The following USP42 variants were observed in gnomAD, a reference collection of about 807,000 sequenced individuals.
USP42 encodes the protein ubiquitin specific peptidase 42.
In USP42, 23 loss-of-function variants were observed where a neutral mutation model predicts 113.0. The observed-to-expected ratio is 0.20, with a 90% CI of 0.15 to 0.29. USP42 has a LOEUF of 0.29. USP42 is among the 10% of genes least tolerant of loss of function. The pLI is 1.00. For missense variants in USP42, 2,174 were observed against 1,779.8 expected (o/e 1.22, Z -3.99); for synonymous variants, 933 against 699.0 (o/e 1.33, Z -5.28).
intron 3 of USP42, among the ~76,000 whole-genome samples, chr7:6,123,832 CAAAAA>C (rs34032326): frequency 4.1e-5 from 3 of 72,766 alleles, no homozygotes; most frequent in South Asian, 4.8e-4. Context: ...GACCCTGTCT[CAAAAA>C]AAAAAAAAAA....
chr7:6,092,082 C>T, the USP42 span, among the ~76,000 whole-genome samples: 131 of 59,296 alleles, frequency 2.2e-3, no homozygotes, highest in African/African-American at 4.5e-3. Context: ...CTTCCTCTTC[C>T]TCTTCTTCTT....
chr7:6,154,917 G>A lies in USP42; in HGVS notation c.3363G>A (p.Ala1121=), dbSNP rs1443122433. 2.5e-5 allele frequency: 39 copies of A among 1,548,654 alleles called. No individual in the cohort carries two copies. The South Asian group carries it at 2.6e-4, about 10-fold the overall frequency. Residue 1121 remains alanine, a synonymous_variant, in exon 15 of 18, where the codon GCG becomes GCA. Coordinates refer to ENST00000306177, the MANE Select transcript of USP42 (RefSeq NM_032172.3). The part of the protein sequence containing the change: ...RHRPSSPRAG[A]PHALAPHPDR... ...GCCCCAGCAGCCCCCGCGCAGGCGC[G>A]CCCCACGCCCTCGCCCCGCACCCCG...
upstream of USP42, among the ~76,000 whole-genome samples, chr7:6,104,289 G>A (rs886724003): frequency 3.4e-5 from 5 of 147,686 alleles, 1 homozygote; most frequent in African/African-American, 8.1e-5. Flanking sequence ...TCACCATGCT[G>A]GCCAGGCTAG....
intron 3 of USP42, among the ~76,000 whole-genome samples, chr7:6,120,307 A>G (rs1030454502): frequency 1.3e-5 from 2 of 151,696 alleles, no homozygotes; most frequent in Non-Finnish European, 2.9e-5. Flanking sequence ...CAGTGCCACT[A>G]TCTCCACTCA....
the USP42 span, among the ~76,000 whole-genome samples, chr7:6,087,013 C>A: frequency 4.7e-5 from 7 of 149,242 alleles, no homozygotes; most frequent in Admixed American, 2.0e-4. Flanking sequence ...CAGATGTGAG[C>A]CACCGCCTCC....
chr7:6,154,760 A>G lies in USP42; in HGVS notation c.3206A>G (p.Tyr1069Cys). 6.4e-7 allele frequency: 1 copy of G among 1,559,464 alleles called. No individual in the cohort carries two copies. Among genetic ancestry groups the G allele is most frequent in the South Asian group, 1.2e-5 (1 of 84,562 alleles). Residue 1069 changes from tyrosine to cysteine, a missense_variant, in exon 15 of 18, where the codon TAC (tyrosine) becomes TGC (cysteine). Transcript: ENST00000306177. ...CRYYHDRYAL[Y>C]AARDWKPFHG... The stretch of plus-strand genomic sequence containing the variant: ...TACTACCATGACAGGTACGCCCTGT[A>G]CGCTGCCCGGGACTGGAAGCCCTTC...
chr7:6,090,865 G>A, the USP42 span, among the ~76,000 whole-genome samples: 1 of 147,076 alleles, frequency 6.8e-6, no homozygotes, highest in South Asian at 2.1e-4. Context: ...ACTTCTATTA[G>A]TAATCCTCTT....
rs760525737 is a variant in USP42, at chr7:6,154,743, T to C, written c.3189T>C (p.His1063=). The change falls in exon 15 of 18, where the codon CAT becomes CAC. Residue 1063 remains histidine, a synonymous_variant. Transcript: ENST00000306177. ...RPRWDRCRYY[H]DRYALYAARD... is the part of the protein sequence containing the mutation. ...GCTGGGACAGGTGCCGGTACTACCA[T>C]GACAGGTACGCCCTGTACGCTGCCC... The C allele has an allele frequency of 1.3e-6, 2 of 1,574,392 alleles. No homozygotes were observed. Among genetic ancestry groups the C allele is most frequent in the Admixed American group, 1.8e-5 (1 of 54,220 alleles).
rs1782752853 is a variant in USP42 at position 6,161,133 on chromosome 7, TATG to T, written c.*620_*622del. The T allele has an allele frequency of 1.3e-5, 2 of 152,654 alleles. No homozygotes were observed. Among genetic ancestry groups the T allele is most frequent in the African/African-American group, 4.8e-5 (2 of 41,456 alleles). The allele number at this position is 152,654 out of a possible 1,614,324, so 9.5% of individuals were successfully genotyped here. On this transcript the variant is annotated 3_prime_UTR_variant, in exon 18 of 18. Coordinates refer to ENST00000306177, the MANE Select transcript of USP42 (RefSeq NM_032172.3). ...TGTTCCAATCAATCAATTTCCCAGT[TATG>T]ATGAGTATTTACATTATGAATGTAT...
chr7:6,146,709 A>G (rs1444941947), intron 11 of USP42, among the ~76,000 whole-genome samples: 3 of 152,166 alleles, frequency 2.0e-5, no homozygotes, highest in African/African-American at 4.8e-5. Flanking sequence ...CTGGAGAGTA[A>G]GAAAGGTAGT....
At chr7:6,118,873 A>G (rs989693387) in intron 3 of USP42, among the ~76,000 whole-genome samples, 3 of 152,164 alleles carry the variant, frequency 2.0e-5, no homozygotes, top group African/African-American at 7.2e-5. Context: ...TGTACTGATC[A>G]CTTGTTTGTC....
chr7:6,125,175 T>C (rs1780458515), intron 3 of USP42, among the ~76,000 whole-genome samples: 1 of 119,914 alleles, frequency 8.3e-6, no homozygotes, highest in South Asian at 2.8e-4. Flanking sequence ...AGCGAGACTC[T>C]GTCTCAACAA....
rs953587036 is a variant in USP42 at position 6,105,798 on chromosome 7, G to C, written c.-10+766G>C. On this transcript the variant is annotated intron_variant, in intron 1 of 17. Coordinates refer to ENST00000306177, the MANE Select transcript of USP42 (RefSeq NM_032172.3). ...AGATGTTGGAAATGAAAATTGGACGGAACAAGTTTTCCCATCTAGGACTTT... is the reference window on the plus strand; with the variant it reads ...AGATGTTGGAAATGAAAATTGGACGCAACAAGTTTTCCCATCTAGGACTTT... Among the ~76,000 whole-genome samples the C allele has an allele frequency of 5.3e-5, 8 of 152,200 alleles. No homozygotes were observed. In the East Asian group the frequency reaches 1.5e-3, roughly 29 times the overall value.
rs1782646949 is a variant in USP42 at position 6,159,431 on chromosome 7, C to A, written c.3944-19C>A. 6.2e-7 allele frequency: 1 copy of A among 1,613,864 alleles called. No individual in the cohort carries two copies. The highest frequency in any genetic ancestry group is 1.1e-5 in the South Asian group (1 of 91,086). ...TTGCAACCATCATTAAAATCTCTTT[C>A]CTGACCTTTGCTTTCTAGGTGATTG... On this transcript the variant is annotated intron_variant, in intron 16 of 17. Coordinates refer to ENST00000306177, the MANE Select transcript of USP42 (RefSeq NM_032172.3). This position sits in a 1 kb window ranked among gnomAD's most constrained non-coding sequence, Gnocchi z 4.1.
At position 6,146,209 on chromosome 7, in the gene USP42, C is replaced by T. The variant is rs1781707506; in HGVS notation, c.1193C>T (p.Ser398Leu). Residue 398 changes from serine (S) to leucine (L), a missense_variant, in exon 11 of 18, where the codon TCG becomes TTG. Ser to Leu is a moderately radical substitution (Grantham distance 145, BLOSUM62 -2). Transcript: ENST00000306177. ...ATTGTATCTACCAGTGATATTAGAT[C>T]GGTACTCAGCCAACAAGCCTATGTG... ...DSIVSTSDIR[S>L]VLSQQAYVLF... The T allele has an allele frequency of 1.2e-6, 2 of 1,602,696 alleles. No homozygotes were observed. Among genetic ancestry groups the T allele is most frequent in the Admixed American group, 1.7e-5 (1 of 57,862 alleles).
intron 3 of USP42, chr7:6,117,023 C>G: frequency 2.7e-6 from 1 of 366,576 alleles, no homozygotes; most frequent in Non-Finnish European, 5.3e-6. Context: ...TCTCTCTTTT[C>G]CCAGCTTTAC....
Position 6,161,022 on chromosome 7 carries a change from C to A in USP42, c.*504C>A, listed in dbSNP as rs1356645054. On this transcript the variant is annotated 3_prime_UTR_variant, in exon 18 of 18. Coordinates refer to ENST00000306177, the MANE Select transcript of USP42 (RefSeq NM_032172.3). ...AGTCTGTTTTCTGTAATGTCTGATA[C>A]TAGAAACTAATTTGCTTATTTTAGT... 1.3e-5 allele frequency: 2 copies of A among 152,630 alleles called. No homozygotes were observed. Among genetic ancestry groups the A allele is most frequent in the African/African-American group, 4.8e-5 (2 of 41,454 alleles). 9.5% of individuals were successfully genotyped at this position (152,630 alleles called of 1,614,324 possible). A position where few individuals can be genotyped will look rare whatever the true frequency, so the allele number is the denominator to read the frequency against.
At chr7:6,110,279 C>T (rs1264324108) in intron 1 of USP42, among the ~76,000 whole-genome samples, 2 of 152,158 alleles carry the variant, frequency 1.3e-5, no homozygotes, top group South Asian at 2.1e-4. Flanking sequence ...GGCTCTCAGT[C>T]CCAGTTGCTG....
upstream of USP42, among the ~76,000 whole-genome samples, chr7:6,104,006 C>T (rs897410558): frequency 6.6e-6 from 1 of 151,162 alleles, no homozygotes; most frequent in African/African-American, 2.5e-5. Flanking sequence ...ATCGCTTGAG[C>T]CCGGGAGGTC....
Sources: gnomAD v4.1 joint callset for allele counts (sites outside exome capture counted in the v4.1 genomes callset) on GRCh38, gnomAD v4.1.1 for gene constraint, Gnocchi (gnomAD v3.1) non-coding constraint, MANE v1.5 for transcripts, NCBI Gene and HGNC (gene_info 2026-07-23, HGNC 2026-07-21) for gene names.